The following PCDH9 variants were observed in gnomAD, a reference collection of about 807,000 sequenced individuals.
PCDH9 encodes the protein protocadherin-9.
Under a neutral mutation model 70.6 loss-of-function variants are expected in PCDH9, and 24 were observed. The ratio of observed to expected loss-of-function variants is 0.34; its 90% CI spans 0.25 to 0.48. The LOEUF is 0.48. Among genes scored for constraint, PCDH9 ranks in the 20% least tolerant of loss-of-function variants. PCDH9 has a pLI of 0.99. For missense variants in PCDH9, 1,281 were observed against 1,503.6 expected (o/e 0.85, Z 2.45); for synonymous variants, 562 against 558.5 (o/e 1.01, Z -0.09).
At chr13:66,909,566 G>T (rs531428562) in intron 2 of PCDH9, among the ~76,000 whole-genome samples, 10 of 152,236 alleles carry the variant, frequency 6.6e-5, no homozygotes, top group Non-Finnish European at 1.2e-4. Flanking sequence ...TCAGGAGATG[G>T]AGACCATCCT....
chr13:67,225,843 G>C lies in PCDH9; in HGVS notation c.2598C>G (p.Asn866Lys), dbSNP rs2089849586. ...TCCTTTTCTTTCTTTTCTTTTTCTT[G>C]TTTTGCTTGTTCTCCTGGTTTGGGG... is the stretch of plus-strand genomic sequence containing the variant. Reference protein sequence around the residue: ...WMSPNQENKQNKKKKRKKRKS... With the variant: ...WMSPNQENKQKKKKKRKKRKS... Residue 866 changes from asparagine (N) to lysine (K), a missense_variant, in exon 2 of 5, where the codon AAC (asparagine) becomes AAG (lysine). Coordinates refer to ENST00000377865, the MANE Select transcript of PCDH9 (RefSeq NM_203487.3). 1.2e-6 allele frequency: 2 copies of C among 1,613,800 alleles called. No individual in the cohort carries two copies. The highest frequency in any genetic ancestry group is 1.1e-5 in the South Asian group (1 of 91,078).
intron 4 of PCDH9, among the ~76,000 whole-genome samples, chr13:66,401,144 C>T (rs775746145): frequency 7.2e-5 from 11 of 152,078 alleles, no homozygotes; most frequent in Non-Finnish European, 1.3e-4. Context: ...GTCTTGAAAA[C>T]GTGCCCATGC....
intron 3 of PCDH9, among the ~76,000 whole-genome samples, chr13:66,706,643 A>C (rs190627936): frequency 4.3e-4 from 66 of 152,346 alleles, no homozygotes; most frequent in African/African-American, 1.5e-3. Flanking sequence ...TGTTTTAGAG[A>C]GTAGAAACAG....
chr13:66,609,651 C>T (rs1001491133), intron 4 of PCDH9, among the ~76,000 whole-genome samples: 12 of 152,070 alleles, frequency 7.9e-5, no homozygotes, highest in African/African-American at 2.9e-4. Flanking sequence ...TCAATACCAC[C>T]TAAACTGCCT....
chr13:66,902,103 A>T (rs2139595363), intron 3 of PCDH9, among the ~76,000 whole-genome samples: 1 of 151,792 alleles, frequency 6.6e-6, no homozygotes, highest in Non-Finnish European at 1.5e-5. Flanking sequence ...TAGATAGTTG[A>T]AACATACACA....
At chr13:66,342,538 A>G (rs752401657) in intron 4 of PCDH9, among the ~76,000 whole-genome samples, 4 of 152,188 alleles carry the variant, frequency 2.6e-5, no homozygotes, top group Non-Finnish European at 5.9e-5. Context: ...AAAGTTTATG[A>G]AACTTGACTG....
intron 4 of PCDH9, among the ~76,000 whole-genome samples, chr13:66,541,016 G>A (rs1213821307): frequency 1.3e-5 from 2 of 152,140 alleles, no homozygotes; most frequent in East Asian, 1.9e-4. Context: ...AAAGCAGACT[G>A]GATTGGGTTA....
At chr13:67,067,642 TA>T (rs2085675665) in intron 2 of PCDH9, among the ~76,000 whole-genome samples, 1 of 151,502 alleles carries the variant, frequency 6.6e-6, no homozygotes, top group Non-Finnish European at 1.5e-5. Context: ...CCAAAGCTAA[TA>T]AAACAAAACA....
intron 2 of PCDH9, chr13:67,224,875 G>A (rs540617493): frequency 3.1e-6 from 3 of 981,016 alleles, no homozygotes; most frequent in East Asian, 1.1e-4. Context: ...ATCTATCAAC[G>A]ATCATGTGCT....
chr13:66,385,306 C>T (rs1436547603), intron 4 of PCDH9, among the ~76,000 whole-genome samples: 2 of 151,976 alleles, frequency 1.3e-5, no homozygotes, highest in Non-Finnish European at 2.9e-5. Context: ...ATGTATAGTA[C>T]AAAGAATGAT....
chr13:66,702,805 C>A (rs2078664094), intron 3 of PCDH9, among the ~76,000 whole-genome samples: 1 of 152,116 alleles, frequency 6.6e-6, no homozygotes, highest in Admixed American at 6.6e-5. Flanking sequence ...AAAATCTGAT[C>A]TTAATAAGGC....
At chr13:66,871,146 C>T (rs946450768) in intron 3 of PCDH9, among the ~76,000 whole-genome samples, 2 of 151,362 alleles carry the variant, frequency 1.3e-5, no homozygotes, top group Non-Finnish European at 2.9e-5. Flanking sequence ...GAACAAAAAA[C>T]CAAGCACCGC....
chr13:66,775,381 G>C (rs559685396), intron 3 of PCDH9, among the ~76,000 whole-genome samples: 1 of 152,308 alleles, frequency 6.6e-6, no homozygotes, highest in East Asian at 1.9e-4. Flanking sequence ...AACAGAGACT[G>C]TTGCCAGCAA....
intron 3 of PCDH9, among the ~76,000 whole-genome samples, chr13:66,774,507 C>T (rs1314431533): frequency 1.3e-5 from 2 of 152,046 alleles, no homozygotes; most frequent in Non-Finnish European, 2.9e-5. Flanking sequence ...AGTTATTTAA[C>T]ATATGAGCAA....
chr13:66,805,914 C>A (rs2080402430), intron 3 of PCDH9, among the ~76,000 whole-genome samples: 1 of 152,008 alleles, frequency 6.6e-6, no homozygotes. Context: ...CCCCAAAACC[C>A]TCTGTGCTTT....
At chr13:67,031,447 G>A (rs1261358978) in intron 2 of PCDH9, among the ~76,000 whole-genome samples, 5 of 152,136 alleles carry the variant, frequency 3.3e-5, no homozygotes, top group Admixed American at 1.3e-4. Flanking sequence ...GTTCATGTCT[G>A]TAATCCCAGC....
At chr13:66,574,302 T>G (rs2076780743) in intron 4 of PCDH9, among the ~76,000 whole-genome samples, 1 of 152,150 alleles carries the variant, frequency 6.6e-6, no homozygotes, top group Admixed American at 6.5e-5. Context: ...CTCAAATCTG[T>G]TTTGCCTCCC....
intron 3 of PCDH9, among the ~76,000 whole-genome samples, chr13:66,797,974 T>C (rs1486632081): frequency 6.6e-6 from 1 of 151,622 alleles, no homozygotes; most frequent in Non-Finnish European, 1.5e-5. Context: ...TGTGTGTGTG[T>C]GTGTGTGTGT....
At chr13:67,038,675 T>TTG (rs757887332) in intron 2 of PCDH9, among the ~76,000 whole-genome samples, 4 of 152,204 alleles carry the variant, frequency 2.6e-5, no homozygotes, top group Non-Finnish European at 5.9e-5. Context: ...CTTCATACTA[T>TTG]TGTGATATTA....
Sources: gnomAD v4.1 joint callset for allele counts (sites outside exome capture counted in the v4.1 genomes callset) on GRCh38, gnomAD v4.1.1 for gene constraint, MANE v1.5 for transcripts, NCBI Gene and HGNC (gene_info 2026-07-23, HGNC 2026-07-21) for gene names.